FAM184A: variants seen among roughly 807,000 people sequenced by gnomAD.
FAM184A encodes the protein family with sequence similarity 184 member A.
In FAM184A, 99 loss-of-function variants were observed where a neutral mutation model predicts 143.8. The ratio of observed to expected loss-of-function variants is 0.69; its 90% CI spans 0.58 to 0.81. The LOEUF is 0.81. Among genes scored for constraint, FAM184A ranks in the 40% least tolerant of loss-of-function variants. FAM184A has a pLI of 0.00. For missense variants in FAM184A, 1,217 were observed against 1,310.5 expected (o/e 0.93, Z 1.10); for synonymous variants, 427 against 446.4 (o/e 0.96, Z 0.55).
At chr6:119,102,252 T>C (rs1005392163) in intron 1 of FAM184A, among the ~76,000 whole-genome samples, 3 of 152,186 alleles carry the variant, frequency 2.0e-5, no homozygotes, top group Admixed American at 2.0e-4. Flanking sequence ...TGATTATAAA[T>C]GTAAGATATT....
At chr6:119,049,883 T>A (rs1354554538) in intron 1 of FAM184A, among the ~76,000 whole-genome samples, 2 of 152,048 alleles carry the variant, frequency 1.3e-5, no homozygotes, top group Non-Finnish European at 2.9e-5. Flanking sequence ...AAACTATCAT[T>A]AGAGTGAACA....
At chr6:119,131,346 T>C (rs78955395) in intron 1 of FAM184A, among the ~76,000 whole-genome samples, 1 of 151,984 alleles carries the variant, frequency 6.6e-6, no homozygotes, top group South Asian at 2.1e-4. Context: ...CAGTAATAAG[T>C]TGGAATAAAT....
At chr6:119,013,711 C>G (rs1785158333) in intron 5 of FAM184A, among the ~76,000 whole-genome samples, 1 of 152,160 alleles carries the variant, frequency 6.6e-6, no homozygotes, top group African/African-American at 2.4e-5. Flanking sequence ...TAAGAAATAA[C>G]ATTCTAATGG....
Position 119,078,010 on chromosome 6 carries a change from C to G in FAM184A, c.159+131G>C. 9.2e-7 allele frequency: 1 copy of G among 1,090,202 alleles called. No individual in the cohort carries two copies. The highest frequency in any genetic ancestry group is 1.3e-6 in the Non-Finnish European group (1 of 781,426). 67.5% of individuals were successfully genotyped at this position (1,090,202 alleles called of 1,614,324 possible). A position where few individuals can be genotyped will look rare whatever the true frequency, so the allele number is the denominator to read the frequency against. ...GTTTGCAGGGTTTTGGAGGTGTCTC[C>G]GGCTGTTGCTTCGGCGGAGGAGTAG... On this transcript the variant is annotated intron_variant, in intron 1 of 17. Coordinates refer to ENST00000338891, the MANE Select transcript of FAM184A (RefSeq NM_024581.6). The surrounding 1 kb of genome is among the most constrained non-coding windows in gnomAD (Gnocchi z 5.5).
chr6:119,049,880 CA>C (rs1383841797), intron 1 of FAM184A, among the ~76,000 whole-genome samples: 2 of 152,164 alleles, frequency 1.3e-5, no homozygotes, highest in Non-Finnish European at 2.9e-5. Context: ...AAGAAACTAT[CA>C]TTAGAGTGAA....
In FAM184A at chr6:119,124,081, CT is replaced by C. The variant is rs58625039; in HGVS notation, c.-202+24996del. Among the ~76,000 whole-genome samples the C allele has an allele frequency of 2.2e-4, 33 of 152,184 alleles. No individual in the cohort carries two copies. In the East Asian group the frequency reaches 6.0e-3, roughly 28 times the overall value. On this transcript the variant is annotated intron_variant, in intron 1 of 16. Transcript: ENST00000352896. The stretch of plus-strand genomic sequence containing the variant: ...CCACTTTGAAATTTCTCATTTTATT[CT>C]TTTTTTAAATTTAAAATATTCTCAG...
At chr6:118,967,038 AAC>A (rs1389873632) in intron 14 of FAM184A, 86 bp from the exon 15 acceptor site, 1 of 624,290 alleles carries the variant, frequency 1.6e-6, no homozygotes. Context: ...AGTCTAGTTG[AAC>A]ACACACAAAA....
chr6:119,140,375 T>C (rs566629236), intron 1 of FAM184A, among the ~76,000 whole-genome samples: 2 of 152,316 alleles, frequency 1.3e-5, no homozygotes, highest in Admixed American at 1.3e-4. Flanking sequence ...ATTCTCCACT[T>C]TCCCTGGCCT....
At chr6:119,146,166 C>T (rs9398502) in intron 1 of FAM184A, among the ~76,000 whole-genome samples, 53,706 of 151,746 alleles carry the variant, frequency 0.35, 9,815 homozygotes, top group East Asian at 0.53. Context: ...GATATAATTT[C>T]CCTTTCAAAA....
chr6:119,087,808 A>G (rs2114815869), intron 1 of FAM184A, among the ~76,000 whole-genome samples: 1 of 152,370 alleles, frequency 6.6e-6, no homozygotes, highest in Middle Eastern at 3.4e-3. Flanking sequence ...CGATTGTCAC[A>G]GCAGCATTAT....
At chr6:119,114,559 T>C (rs1226997616) in intron 1 of FAM184A, among the ~76,000 whole-genome samples, 1 of 152,242 alleles carries the variant, frequency 6.6e-6, no homozygotes, top group Admixed American at 6.5e-5. Flanking sequence ...TTATTTATTT[T>C]GAGACAGGAT....
At chr6:119,055,153 G>A (rs1786914844) in intron 1 of FAM184A, among the ~76,000 whole-genome samples, 1 of 152,094 alleles carries the variant, frequency 6.6e-6, no homozygotes, top group African/African-American at 2.4e-5. Flanking sequence ...ACAATATTTA[G>A]CCTTTTGTGT....
At position 118,982,067 on chromosome 6, in the gene FAM184A, C is replaced by A. The variant is rs1449578167; in HGVS notation, c.2089-1717G>T. Among the ~76,000 whole-genome samples the A allele has an allele frequency of 2.0e-5, 3 of 152,120 alleles. No homozygotes were observed. The South Asian group carries it at 6.2e-4, about 32-fold the overall frequency. ...CCTGCAAATGTGAGAATGTGATATGCGCATAAGAATCTCACAGCCACAGCT... is the reference window on the plus strand; with the variant it reads ...CCTGCAAATGTGAGAATGTGATATGAGCATAAGAATCTCACAGCCACAGCT... On this transcript the variant is annotated intron_variant, in intron 9 of 17. Transcript: ENST00000338891.
At chr6:119,070,449 G>A (rs188149775) in intron 1 of FAM184A, among the ~76,000 whole-genome samples, 17 of 152,052 alleles carry the variant, frequency 1.1e-4, no homozygotes, top group African/African-American at 4.1e-4. Context: ...TAATTGATTG[G>A]CAGCCAAAGA....
chr6:119,059,404 T>C (rs570295263), intron 1 of FAM184A, among the ~76,000 whole-genome samples: 82 of 152,338 alleles, frequency 5.4e-4, no homozygotes, highest in African/African-American at 2.0e-3. Context: ...TCCACATTTT[T>C]CTTCCAATGT....
rs186988814 is a variant in FAM184A, at chr6:119,022,648, G to T, written c.1150+297C>A. On this transcript the variant is annotated intron_variant, in intron 3 of 17. Transcript: ENST00000338891. Reference sequence around the variant, plus strand: ...CCAGCACTTTGGGAGGCTGAGGCAGGGAGACTGCCTGAGCTCAGGAGTTCG... The same window carrying T: ...CCAGCACTTTGGGAGGCTGAGGCAGTGAGACTGCCTGAGCTCAGGAGTTCG... Among the ~76,000 whole-genome samples the T allele has an allele frequency of 5.9e-3, 903 of 152,226 alleles. 28 individuals carry two copies. Among genetic ancestry groups the T allele is most frequent in the East Asian group, 2.3e-3 (12 of 5,174 alleles).
chr6:119,113,718 A>G (rs1307151496), intron 1 of FAM184A, among the ~76,000 whole-genome samples: 1 of 152,130 alleles, frequency 6.6e-6, no homozygotes, highest in Non-Finnish European at 1.5e-5. Context: ...AGGTGAGTGG[A>G]TCACTTGAGT....
intron 11 of FAM184A, among the ~76,000 whole-genome samples, chr6:118,976,246 G>A (rs937724906): frequency 2.6e-5 from 4 of 152,152 alleles, no homozygotes; most frequent in Non-Finnish European, 5.9e-5. Flanking sequence ...ATGTAGCTTT[G>A]ATGAGGATAT....
In FAM184A at chr6:118,960,845, A is replaced by G; in HGVS notation, c.3342-661T>C. Reference sequence around the variant, plus strand: ...GTAGTCATGTTCCTTGAGCTCATGCACATGCATCTTACTGATACCTGAACA... The same window carrying G: ...GTAGTCATGTTCCTTGAGCTCATGCGCATGCATCTTACTGATACCTGAACA... On this transcript the variant is annotated intron_variant, in intron 17 of 17. Transcript: ENST00000338891. The G allele has an allele frequency of 2.2e-6, 3 of 1,364,854 alleles. No homozygotes were observed. In the South Asian group the frequency reaches 3.4e-5, roughly 16 times the overall value. The allele number at this position is 1,364,854 out of a possible 1,614,324, so 84.5% of individuals were successfully genotyped here.
Sources: gnomAD v4.1 joint callset for allele counts (sites outside exome capture counted in the v4.1 genomes callset) on GRCh38, gnomAD v4.1.1 for gene constraint, Gnocchi (gnomAD v3.1) non-coding constraint, MANE v1.5 for transcripts, NCBI Gene and HGNC (gene_info 2026-07-23, HGNC 2026-07-21) for gene names.